Variants in STXBP6 observed in about 807,000 individuals in gnomAD.
STXBP6 encodes the protein syntaxin-binding protein 6.
STXBP6 carries 21 observed loss-of-function variants against 26.9 expected under a neutral mutation model. The ratio of observed to expected loss-of-function variants is 0.78; its 90% CI spans 0.55 to 1.12. The LOEUF (loss-of-function observed/expected upper bound fraction) is 1.12. STXBP6 is among the 50% of genes most tolerant of loss of function. The probability of loss-of-function intolerance (pLI) is 0.00; values close to 1 mark genes in which losing one functional copy is unlikely to be tolerated. For synonymous variants in STXBP6, 97 were observed against 92.6 expected (o/e 1.05, Z -0.27); for missense variants, 232 against 257.9 (o/e 0.90, Z 0.69).
At chr14:24,980,914 T>C (rs1051417068) in intron 1 of STXBP6, among the ~76,000 whole-genome samples, 6 of 152,208 alleles carry the variant, frequency 3.9e-5, no homozygotes, top group Admixed American at 6.5e-5. Flanking sequence ...GAACATCACC[T>C]GGGTGCCCAG....
chr14:24,981,066 A>G (rs577633037), intron 1 of STXBP6, among the ~76,000 whole-genome samples: 38 of 152,336 alleles, frequency 2.5e-4, no homozygotes, highest in Admixed American at 2.5e-3. Context: ...TGAATTACTT[A>G]TAAAACAAAT....
intron 2 of STXBP6, among the ~76,000 whole-genome samples, chr14:24,914,779 G>C (rs533015808): frequency 1.3e-5 from 2 of 152,148 alleles, no homozygotes; most frequent in South Asian, 4.1e-4. Flanking sequence ...TTATGATCTT[G>C]ATCAAACGAT....
At chr14:24,900,204 G>A (rs944437949) in intron 2 of STXBP6, among the ~76,000 whole-genome samples, 1 of 152,240 alleles carries the variant, frequency 6.6e-6, no homozygotes, top group African/African-American at 2.4e-5. Flanking sequence ...TCTACAGAGA[G>A]CACTTACATC....
intron 4 of STXBP6, among the ~76,000 whole-genome samples, chr14:24,834,661 T>C (rs941362311): frequency 6.6e-6 from 1 of 152,166 alleles, no homozygotes; most frequent in Non-Finnish European, 1.5e-5. Flanking sequence ...TGAGAGGAAT[T>C]AAGGTACTAG....
chr14:24,906,946 G>A (rs74040707), intron 2 of STXBP6, among the ~76,000 whole-genome samples: 1,954 of 152,186 alleles, frequency 0.013, 42 homozygotes, highest in African/African-American at 0.045. Flanking sequence ...TCATTCGTAT[G>A]TGGGAACTAA....
chr14:24,913,879 T>C (rs867627941), intron 2 of STXBP6, among the ~76,000 whole-genome samples: 1 of 152,140 alleles, frequency 6.6e-6, no homozygotes, highest in South Asian at 2.1e-4. Context: ...GGAAGCATTG[T>C]GGATGTGGGG....
rs534594079 is a variant in STXBP6 at position 24,930,878 on chromosome 14, G to A, written c.154+43787C>T. Reference sequence around the variant, plus strand: ...TGTAATCCCAGCACTTTGGGAGGCCGAGGCGGGTGGATCATGAGGTCAGGA... The same window carrying A: ...TGTAATCCCAGCACTTTGGGAGGCCAAGGCGGGTGGATCATGAGGTCAGGA... On this transcript the variant is annotated intron_variant, in intron 2 of 5. Transcript: ENST00000323944. Among the ~76,000 whole-genome samples the A allele has an allele frequency of 6.2e-4, 94 of 151,286 alleles. 1 individual carries two copies. Among genetic ancestry groups the A allele is most frequent in the African/African-American group, 1.1e-3 (46 of 41,196 alleles).
At chr14:24,930,467 G>A (rs768969842) in intron 2 of STXBP6, among the ~76,000 whole-genome samples, 2 of 152,158 alleles carry the variant, frequency 1.3e-5, no homozygotes, top group Non-Finnish European at 2.9e-5. Context: ...ATGGTGACCT[G>A]TTAGGGGAAG....
intron 2 of STXBP6, among the ~76,000 whole-genome samples, chr14:24,921,658 G>C (rs1454887128): frequency 6.6e-6 from 1 of 152,066 alleles, no homozygotes; most frequent in Non-Finnish European, 1.5e-5. Context: ...TGTTATTCCA[G>C]AACAAATATC....
chr14:24,846,833 A>G (rs2068980475), intron 4 of STXBP6, among the ~76,000 whole-genome samples: 1 of 152,190 alleles, frequency 6.6e-6, no homozygotes, highest in Non-Finnish European at 1.5e-5. Context: ...GCTAAATCTT[A>G]TTATTCAACC....
At chr14:24,820,182 TTA>T (rs1421521773) in intron 4 of STXBP6, among the ~76,000 whole-genome samples, 1 of 152,256 alleles carries the variant, frequency 6.6e-6, no homozygotes, top group East Asian at 1.9e-4. Flanking sequence ...TATAATGACT[TTA>T]TGTCTTTGAA....
Position 25,049,250 on chromosome 14 carries a change from CCGGCGTGCA to C in STXBP6, c.-33+619_-33+627del. 1 of 985,422 alleles carries C rather than the reference CCGGCGTGCA, an allele frequency of 1.0e-6. No homozygotes were observed. Among genetic ancestry groups the C allele is most frequent in the Non-Finnish European group, 1.2e-6 (1 of 829,952 alleles). 61.0% of individuals were successfully genotyped at this position (985,422 alleles called of 1,614,324 possible). The stretch of plus-strand genomic sequence containing the variant: ...CCGGCGGTGTTGGTGAGGCTCGATG[CCGGCGTGCA>C]CGGCAAGCGCGAATTCGGAACCTGG... On this transcript the variant is annotated intron_variant, in intron 1 of 5. Coordinates refer to ENST00000323944, the MANE Select transcript of STXBP6 (RefSeq NM_001394410.1). This position sits in a 1 kb window ranked among gnomAD's most constrained non-coding sequence, Gnocchi z 5.6.
chr14:24,911,761 G>T (rs571764680), intron 2 of STXBP6, among the ~76,000 whole-genome samples: 2 of 152,200 alleles, frequency 1.3e-5, no homozygotes, highest in African/African-American at 4.8e-5. Context: ...AGCCACATCT[G>T]CAGCAGAGCA....
At chr14:25,017,043 A>G (rs909810702) in intron 1 of STXBP6, among the ~76,000 whole-genome samples, 26 of 152,222 alleles carry the variant, frequency 1.7e-4, no homozygotes, top group African/African-American at 6.3e-4. Context: ...TGGCAGAATC[A>G]GTAACCTGGT....
chr14:24,898,019 C>CTGTG (rs2071060606), intron 2 of STXBP6, among the ~76,000 whole-genome samples: 1 of 152,196 alleles, frequency 6.6e-6, no homozygotes, highest in Non-Finnish European at 1.5e-5. Flanking sequence ...GCATAGCCAT[C>CTGTG]TGTGTATGCA....
chr14:25,024,595 A>C (rs149248816), intron 1 of STXBP6, among the ~76,000 whole-genome samples: 3 of 152,186 alleles, frequency 2.0e-5, no homozygotes, highest in Non-Finnish European at 4.4e-5. Context: ...ACAATCAACA[A>C]CAAATCATTT....
intron 2 of STXBP6, among the ~76,000 whole-genome samples, chr14:24,892,213 T>TA (rs907024985): frequency 2.9e-5 from 4 of 138,774 alleles, no homozygotes; most frequent in African/African-American, 8.1e-5. Context: ...TTTTTTTTTT[T>TA]AAAAAGGAAA....
chr14:24,890,408 GAAC>G (rs1367730626), intron 2 of STXBP6, among the ~76,000 whole-genome samples: 2 of 152,088 alleles, frequency 1.3e-5, no homozygotes, highest in African/African-American at 4.8e-5. Flanking sequence ...ACAAAGTACC[GAAC>G]AACAACAACA....
chr14:25,007,537 T>C (rs1232787950), intron 1 of STXBP6, among the ~76,000 whole-genome samples: 1 of 152,202 alleles, frequency 6.6e-6, no homozygotes, highest in African/African-American at 2.4e-5. Context: ...TGTTTTAGTT[T>C]TCCCCGTAGC....
Sources: allele counts gnomAD v4.1 joint callset (sites outside exome capture counted in the v4.1 genomes callset), GRCh38; gene constraint gnomAD v4.1.1; non-coding constraint Gnocchi (gnomAD v3.1); transcripts MANE v1.5; gene names NCBI Gene and HGNC (gene_info 2026-07-23, HGNC 2026-07-21).